The following ARSL variants were observed in gnomAD, a reference collection of about 807,000 sequenced individuals.
ARSL encodes arylsulfatase E (chondrodysplasia punctata 1).
Under a neutral mutation model 31.1 loss-of-function variants are expected in ARSL, and 4 were observed. That is an observed-to-expected ratio of 0.13 (90% confidence interval 0.06 to 0.29). ARSL has a LOEUF of 0.29. Ranked by LOEUF, ARSL falls within the 10% of genes least tolerant of loss-of-function variation. ARSL has a pLI of 1.00. For synonymous variants in ARSL, 198 were observed against 209.9 expected (o/e 0.94, Z 0.49); for missense variants, 312 against 497.8 (o/e 0.63, Z 3.55).
At chrX:2,961,716 A>G in intron 1 of ARSL, among the ~76,000 whole-genome samples, 1 of 111,018 alleles carries the variant, frequency 9.0e-6, no homozygotes, top group South Asian at 3.9e-4. Flanking sequence ...ATTGACTAAG[A>G]CTCTAGCACC....
At chrX:2,960,863 G>T (rs760762847) in intron 1 of ARSL, among the ~76,000 whole-genome samples, 1 of 111,353 alleles carries the variant, frequency 9.0e-6, no homozygotes, top group African/African-American at 3.3e-5. Flanking sequence ...AGGGGGAAGC[G>T]GGGAAAGATC....
At chrX:2,948,060 G>T (rs750135174) in intron 6 of ARSL, among the ~76,000 whole-genome samples, 1 of 112,386 alleles carries the variant, frequency 8.9e-6, no homozygotes, top group African/African-American at 3.2e-5. Flanking sequence ...AGCGGAGGTC[G>T]CAGTGAGCCA....
intron 4 of ARSL, among the ~76,000 whole-genome samples, chrX:2,955,214 C>T (rs561896134): frequency 2.7e-5 from 3 of 112,493 alleles, no homozygotes; most frequent in South Asian, 3.7e-4. Flanking sequence ...CACGGTGGCT[C>T]ATGCCTGTAA....
chrX:2,946,831 G>A (rs1028740201), intron 6 of ARSL, among the ~76,000 whole-genome samples: 1 of 110,088 alleles, frequency 9.1e-6, no homozygotes, highest in South Asian at 3.9e-4. Context: ...CACAACACAC[G>A]TCTTGTTTAA....
At chrX:2,947,509 G>A (rs1464753309) in intron 6 of ARSL, among the ~76,000 whole-genome samples, 1 of 112,091 alleles carries the variant, frequency 8.9e-6, no homozygotes, top group African/African-American at 3.2e-5. Context: ...CTCCTTGAAA[G>A]CAGTGTTTTA....
chrX:2,947,991 G>A (rs1427652308), intron 6 of ARSL, among the ~76,000 whole-genome samples: 2 of 112,261 alleles, frequency 1.8e-5, no homozygotes, highest in Non-Finnish European at 3.8e-5. Context: ...GCATGGTGGT[G>A]CATGCCTGTA....
chrX:2,953,047 C>A, intron 5 of ARSL, 96 bp downstream of exon 5: 1 of 1,058,977 alleles, frequency 9.4e-7, no homozygotes, highest in Non-Finnish European at 1.3e-6. Flanking sequence ...GTGGGAAATC[C>A]CACAGCACCT....
At chrX:2,947,185 A>AAAAT (rs771682298) in intron 6 of ARSL, among the ~76,000 whole-genome samples, 37 of 110,791 alleles carry the variant, frequency 3.3e-4, no homozygotes, top group Non-Finnish European at 5.5e-4. Flanking sequence ...ATCCTGTCTC[A>AAAAT]AAATAAATAA....
chrX:2,948,110 G>A (rs2089410020), intron 6 of ARSL, among the ~76,000 whole-genome samples: 1 of 111,291 alleles, frequency 9.0e-6, no homozygotes, highest in Non-Finnish European at 1.9e-5. Flanking sequence ...CATAGCTCGA[G>A]ACTCTGTCTC....
chrX:2,954,484 C>T (rs938958189), intron 4 of ARSL, among the ~76,000 whole-genome samples: 50 of 111,348 alleles, frequency 4.5e-4, no homozygotes, highest in African/African-American at 1.5e-3. Flanking sequence ...TCAGTAGAGA[C>T]GGAGTTTCCC....
rs376111412 is a variant in ARSL, at chrX:2,935,005, C to T, written c.1597G>A (p.Val533Met). 1.4e-4 allele frequency: 175 copies of T among 1,209,063 alleles called. No homozygotes were observed. The highest frequency in any genetic ancestry group is 1.8e-4 in the Non-Finnish European group (163 of 895,027). The change falls in exon 11 of 11, where the codon GTG (valine) becomes ATG (methionine). Residue 533 changes from valine (V) to methionine (M), a missense_variant. Val to Met is a conservative substitution (Grantham distance 21). Transcript: ENST00000381134. ...ACTCGTTCCATCACCTGATAGAACA[C>T]GGGCTCTGAGGCTGGTGTGAGGATG... ...THILTPASEP[V>M]FYQVMERVQQ...
At chrX:2,966,665 A>G (rs1360434532), upstream of ARSL, among the ~76,000 whole-genome samples, 3 of 108,367 alleles carry the variant, frequency 2.8e-5, no homozygotes, top group East Asian at 8.4e-4. Flanking sequence ...AATATATAAT[A>G]AAGCATAATT....
chrX:2,948,414 T>A (rs1318568519), intron 6 of ARSL, among the ~76,000 whole-genome samples: 2 of 111,712 alleles, frequency 1.8e-5, no homozygotes, highest in Non-Finnish European at 3.8e-5. Flanking sequence ...CTTCAGGTGA[T>A]GCAGGTTACT....
chrX:2,956,432 C>A (rs1271368190), intron 3 of ARSL, among the ~76,000 whole-genome samples: 1 of 111,294 alleles, frequency 9.0e-6, no homozygotes, highest in Admixed American at 9.6e-5. Flanking sequence ...TGCTTACAGG[C>A]AACGACACTG....
chrX:2,962,604 C>T (rs1439932879), intron 1 of ARSL, among the ~76,000 whole-genome samples: 2 of 111,465 alleles, frequency 1.8e-5, no homozygotes, highest in East Asian at 2.8e-4. Flanking sequence ...GGGAGAGAAG[C>T]GATTGGTTGA....
chrX:2,967,429 G>A (rs1249160992), upstream of ARSL, among the ~76,000 whole-genome samples: 2 of 110,836 alleles, frequency 1.8e-5, no homozygotes, highest in Admixed American at 9.7e-5. Context: ...AAAGACACAA[G>A]GTATCTTTAG....
At chrX:2,935,682 CT>C (rs890130664) in intron 10 of ARSL, among the ~76,000 whole-genome samples, 9 of 96,680 alleles carry the variant, frequency 9.3e-5, no homozygotes, top group Admixed American at 1.1e-4. Flanking sequence ...CTTTTCTTTT[CT>C]TTTCTTTTCT....
chrX:2,951,491 G>A (rs1288062489), intron 5 of ARSL, among the ~76,000 whole-genome samples: 2 of 108,365 alleles, frequency 1.8e-5, no homozygotes, highest in Non-Finnish European at 3.8e-5. Context: ...AAAAATTATA[G>A]TTGGCCAGGC....
At chrX:2,950,175 T>C (rs369916498) in intron 5 of ARSL, among the ~76,000 whole-genome samples, 2 of 111,521 alleles carry the variant, frequency 1.8e-5, no homozygotes, top group South Asian at 3.8e-4. Context: ...CATGTTTCCA[T>C]GGCGTTGTCC....
Sources: gnomAD v4.1 joint callset for allele counts (sites outside exome capture counted in the v4.1 genomes callset) on GRCh38, gnomAD v4.1.1 for gene constraint, MANE v1.5 for transcripts, NCBI Gene and HGNC (gene_info 2026-07-23, HGNC 2026-07-21) for gene names.